The following PPP4R4 variants were observed in gnomAD, a reference collection of about 807,000 sequenced individuals.
PPP4R4 encodes the protein serine/threonine-protein phosphatase 4 regulatory subunit 4.
PPP4R4 carries 70 observed loss-of-function variants against 121.8 expected under a neutral mutation model. The observed-to-expected ratio is 0.57, with a 90% CI of 0.47 to 0.70. The LOEUF (loss-of-function observed/expected upper bound fraction) is 0.70, where lower values mean the gene tolerates loss of function less well. Among genes scored for constraint, PPP4R4 ranks in the 30% least tolerant of loss-of-function variants. PPP4R4 has a pLI of 0.00. For missense variants in PPP4R4, 875 were observed against 1,033.6 expected (o/e 0.85, Z 2.10); for synonymous variants, 348 against 355.7 (o/e 0.98, Z 0.24).
rs1212692437 is a variant in PPP4R4, at chr14:94,176,121, T to C, written c.185T>C (p.Leu62Pro). 6.2e-7 allele frequency: 1 copy of C among 1,606,830 alleles called. No individual in the cohort carries two copies. Among genetic ancestry groups the C allele is most frequent in the Non-Finnish European group, 8.5e-7 (1 of 1,173,382 alleles). ...DLSDIERAVY[L>P]LSAGQDVQGT... ...AGTGATATTGAAAGGGCTGTTTATC[T>C]GCTCAGGTATTTCCTAGTCTTTCTG... Residue 62 changes from leucine to proline, a missense_variant, in exon 2 of 25, where the codon CTG (leucine) becomes CCG (proline). Physicochemically the swap from Leu to Pro is moderately conservative, Grantham distance 98. Coordinates refer to ENST00000304338, the MANE Select transcript of PPP4R4 (RefSeq NM_058237.2).
chr14:94,207,423 G>A (rs1223896709), intron 2 of PPP4R4, among the ~76,000 whole-genome samples: 1 of 151,936 alleles, frequency 6.6e-6, no homozygotes, highest in Non-Finnish European at 1.5e-5. Flanking sequence ...TCATGACAGG[G>A]CAGCTTCATT....
At chr14:94,195,939 A>G (rs1320921307) in intron 2 of PPP4R4, among the ~76,000 whole-genome samples, 1 of 152,076 alleles carries the variant, frequency 6.6e-6, no homozygotes, top group African/African-American at 2.4e-5. Context: ...TCCTATTTAT[A>G]GTGAGCAATA....
chr14:94,259,409 G>A lies in PPP4R4; in HGVS notation c.2127+40G>A, dbSNP rs555309656. Reference sequence around the variant, plus strand: ...CATGCACACACATATACTCTTTTCTGATTAATAACTGTGTTTTTTTATTAA... The same window carrying A: ...CATGCACACACATATACTCTTTTCTAATTAATAACTGTGTTTTTTTATTAA... On this transcript the variant is annotated intron_variant, in intron 19 of 24. Coordinates refer to ENST00000304338, the MANE Select transcript of PPP4R4 (RefSeq NM_058237.2). 39 of 1,478,808 alleles carry A rather than the reference G, an allele frequency of 2.6e-5. No homozygotes were observed. In the African/African-American group the frequency reaches 5.2e-4, roughly 20 times the overall value. The allele number at this position is 1,478,808 out of a possible 1,614,324, so 91.6% of individuals were successfully genotyped here.
At chr14:94,196,265 T>C (rs1473933594) in intron 2 of PPP4R4, among the ~76,000 whole-genome samples, 1 of 151,386 alleles carries the variant, frequency 6.6e-6, no homozygotes, top group African/African-American at 2.4e-5. Context: ...TTTGTCTATC[T>C]TATATATTAC....
chr14:94,216,626 T>C (rs1277932153), intron 3 of PPP4R4, among the ~76,000 whole-genome samples: 1 of 152,164 alleles, frequency 6.6e-6, no homozygotes, highest in Non-Finnish European at 1.5e-5. Context: ...GGTGATGAGC[T>C]GTTGCTGAGG....
chr14:94,254,013 C>A (rs143120385), intron 16 of PPP4R4, among the ~76,000 whole-genome samples: 2 of 152,326 alleles, frequency 1.3e-5, no homozygotes, highest in Non-Finnish European at 2.9e-5. Context: ...AAATGTGTAT[C>A]TTTAGCCAAG....
At chr14:94,239,222 A>G (rs1426612826) in intron 8 of PPP4R4, among the ~76,000 whole-genome samples, 1 of 147,434 alleles carries the variant, frequency 6.8e-6, no homozygotes, top group East Asian at 2.0e-4. Context: ...ATTATAGTTT[A>G]AGTTCTAGGG....
At chr14:94,233,160 T>C (rs1385132823) in intron 5 of PPP4R4, among the ~76,000 whole-genome samples, 1 of 152,188 alleles carries the variant, frequency 6.6e-6, no homozygotes, top group Non-Finnish European at 1.5e-5. Flanking sequence ...TGTCAGGCTG[T>C]TGTAGTATTT....
At chr14:94,244,831 G>C in intron 12 of PPP4R4, 119 bp downstream of exon 12, 1 of 991,574 alleles carries the variant, frequency 1.0e-6, no homozygotes, top group African/African-American at 1.7e-5. Context: ...AGCCCCAGAA[G>C]CTTCAAATTG....
chr14:94,238,140 A>G (rs1892445044), intron 8 of PPP4R4, among the ~76,000 whole-genome samples: 1 of 152,238 alleles, frequency 6.6e-6, no homozygotes, highest in Non-Finnish European at 1.5e-5. Context: ...TAACCCAGTC[A>G]CTTGTGAAGG....
intron 3 of PPP4R4, 40 bp downstream of exon 3, chr14:94,208,606 T>C: frequency 6.7e-7 from 1 of 1,503,694 alleles, no homozygotes; most frequent in Non-Finnish European, 9.2e-7. Flanking sequence ...TCCCATTTTT[T>C]CCCAGTAGCA....
chr14:94,238,906 A>G (rs1187356431), intron 8 of PPP4R4, among the ~76,000 whole-genome samples: 1 of 152,214 alleles, frequency 6.6e-6, no homozygotes, highest in Non-Finnish European at 1.5e-5. Context: ...GTGAATGAAT[A>G]AATCTTTTTT....
intron 2 of PPP4R4, among the ~76,000 whole-genome samples, chr14:94,203,082 C>T (rs1003956967): frequency 6.6e-6 from 1 of 152,104 alleles, no homozygotes; most frequent in African/African-American, 2.4e-5. Flanking sequence ...CCAGTTTTCC[C>T]CTATAGTAAC....
intron 16 of PPP4R4, among the ~76,000 whole-genome samples, chr14:94,254,148 A>C (rs1893337125): frequency 1.3e-5 from 2 of 152,190 alleles, no homozygotes; most frequent in Non-Finnish European, 2.9e-5. Context: ...CAAGAATTTG[A>C]TCATCTCATG....
intron 23 of PPP4R4, among the ~76,000 whole-genome samples, chr14:94,270,760 A>G (rs1402080859): frequency 1.3e-5 from 2 of 152,080 alleles, no homozygotes; most frequent in Admixed American, 1.3e-4. Flanking sequence ...TCAACTAAAA[A>G]TACAAAAATC....
chr14:94,248,186 C>G (rs1309950560), intron 14 of PPP4R4, among the ~76,000 whole-genome samples: 2 of 152,132 alleles, frequency 1.3e-5, no homozygotes, highest in East Asian at 3.8e-4. Context: ...TCAGAAGGCT[C>G]CTAGACCTGA....
chr14:94,252,293 T>C lies in PPP4R4; in HGVS notation c.1865+397T>C, dbSNP rs10134206. Among the ~76,000 whole-genome samples, 646 of 152,310 alleles carry C rather than the reference T, an allele frequency of 4.2e-3. 4 individuals carry two copies. The highest frequency in any genetic ancestry group is 0.015 in the African/African-American group (617 of 41,580). Reference sequence around the variant, plus strand: ...GCATCCGTTAGTTTCTAGAGGCCCATTTATTCAAAGAAGTAGAACTGCTTC... The same window carrying C: ...GCATCCGTTAGTTTCTAGAGGCCCACTTATTCAAAGAAGTAGAACTGCTTC... On this transcript the variant is annotated intron_variant, in intron 16 of 24. Coordinates refer to ENST00000304338, the MANE Select transcript of PPP4R4 (RefSeq NM_058237.2).
intron 3 of PPP4R4, among the ~76,000 whole-genome samples, chr14:94,219,317 C>G (rs1268810308): frequency 6.6e-6 from 1 of 152,004 alleles, no homozygotes; most frequent in African/African-American, 2.4e-5. Context: ...CTCGGGTGAT[C>G]TGCCCCCAAA....
chr14:94,266,990 G>A lies in PPP4R4; in HGVS notation c.2410G>A (p.Val804Ile). 6.3e-7 allele frequency: 1 copy of A among 1,597,668 alleles called. No homozygotes were observed. The highest frequency in any genetic ancestry group is 8.6e-7 in the Non-Finnish European group (1 of 1,166,920). Residue 804 changes from valine (V) to isoleucine (I), a missense_variant, in exon 23 of 25, where the codon GTC becomes ATC. By Grantham distance (29) the Val-to-Ile change is conservative. Transcript: ENST00000304338. Reference sequence around the variant, plus strand: ...TTCTACAACAGGATATACAACTTCTGTCTCAGGGTTAGGAAAGACTTCTGT... The same window carrying A: ...TTCTACAACAGGATATACAACTTCTATCTCAGGGTTAGGAAAGACTTCTGT... ...KSSTTGYTTS[V>I]SGLGKTSVLS...
Sources: allele counts gnomAD v4.1 joint callset (sites outside exome capture counted in the v4.1 genomes callset), GRCh38; gene constraint gnomAD v4.1.1; transcripts MANE v1.5; gene names NCBI Gene and HGNC (gene_info 2026-07-23, HGNC 2026-07-21).